The following XIRP2 variants were observed in gnomAD, a reference collection of about 807,000 sequenced individuals.
XIRP2 encodes xin actin binding repeat containing 2.
Under a neutral mutation model 277.0 loss-of-function variants are expected in XIRP2, and 236 were observed. The ratio of observed to expected loss-of-function variants is 0.85; its 90% confidence interval spans 0.77 to 0.95. XIRP2 has a LOEUF of 0.95. Among genes scored for constraint, XIRP2 ranks in the 40% least tolerant of loss-of-function variants. The probability of loss-of-function intolerance (pLI) is 0.00; values close to 1 mark genes in which losing one functional copy is unlikely to be tolerated. For synonymous variants in XIRP2, 1,490 were observed against 1,416.5 expected (o/e 1.05, Z -1.17); for missense variants, 4,640 against 4,157.5 (o/e 1.12, Z -3.19).
intron 1 of XIRP2, among the ~76,000 whole-genome samples, chr2:166,893,518 G>A (rs1183225764): frequency 6.6e-6 from 1 of 151,980 alleles, no homozygotes; most frequent in African/African-American, 2.4e-5. Context: ...ATTTCACATG[G>A]CTACATCATT....
At chr2:167,170,588 C>CA (rs145328745) in intron 3 of XIRP2, among the ~76,000 whole-genome samples, 15,006 of 152,012 alleles carry the variant, frequency 0.099, 797 homozygotes, top group South Asian at 0.16. Context: ...TATTTACTGA[C>CA]AAAAAATTGA....
chr2:167,252,962 A>AG (rs1317059734), intron 9 of XIRP2, among the ~76,000 whole-genome samples: 1 of 151,936 alleles, frequency 6.6e-6, no homozygotes, highest in East Asian at 1.9e-4. Flanking sequence ...GCTTCTGTTA[A>AG]GATAGCTCAA....
intron 10 of XIRP2, among the ~76,000 whole-genome samples, chr2:167,256,910 C>T (rs1156304568): frequency 1.3e-5 from 2 of 151,846 alleles, no homozygotes; most frequent in Non-Finnish European, 2.9e-5. Flanking sequence ...TGATTCTACT[C>T]TCCTATTTTT....
intron 2 of XIRP2, among the ~76,000 whole-genome samples, chr2:166,943,716 T>C (rs144300714): frequency 5.6e-4 from 85 of 152,380 alleles, no homozygotes; most frequent in African/African-American, 1.9e-3. Context: ...ATATATGCCC[T>C]GTATGGAAGC....
At chr2:167,256,109 T>C (rs2105455621) in intron 10 of XIRP2, among the ~76,000 whole-genome samples, 1 of 151,852 alleles carries the variant, frequency 6.6e-6, no homozygotes, top group Non-Finnish European at 1.5e-5. Context: ...TCTTCACTAG[T>C]GTCAGTTACC....
At chr2:167,059,906 C>T (rs570387416) in intron 2 of XIRP2, among the ~76,000 whole-genome samples, 136 of 152,300 alleles carry the variant, frequency 8.9e-4, no homozygotes, top group African/African-American at 3.2e-3. Flanking sequence ...ATGAATGCTT[C>T]TGTTAGGGTC....
chr2:167,053,593 A>G (rs528082054), intron 2 of XIRP2, among the ~76,000 whole-genome samples: 12 of 152,188 alleles, frequency 7.9e-5, no homozygotes, highest in Non-Finnish European at 1.0e-4. Context: ...GTCCATAGAT[A>G]TAATTACCTT....
At chr2:167,025,962 C>T (rs1447035054) in intron 2 of XIRP2, among the ~76,000 whole-genome samples, 1 of 152,032 alleles carries the variant, frequency 6.6e-6, no homozygotes, top group Non-Finnish European at 1.5e-5. Context: ...CTGTAAATGT[C>T]TATTAGGTCT....
In XIRP2 at chr2:167,242,805, G is replaced by A. The variant is rs760676050; in HGVS notation, c.1413G>A (p.Gln471=). 4 of 1,613,858 alleles carry A rather than the reference G, an allele frequency of 2.5e-6. No homozygotes were observed. The highest frequency in any genetic ancestry group is 1.1e-5 in the South Asian group (1 of 91,078). ...CAGTAGATGTGACAGCATTTTCCCA[G>A]TCCCCTGAACTGCCCAGTCCTCCTA... The part of the protein sequence containing the change: ...QTSVDVTAFS[Q]SPELPSPPRR... The change falls in exon 9 of 11, where the codon CAG becomes CAA. Residue 471 remains glutamine (Q), a synonymous_variant. Coordinates refer to ENST00000409195, the MANE Select transcript of XIRP2 (RefSeq NM_152381.6).
At chr2:166,951,755 T>G (rs1437611598) in intron 2 of XIRP2, among the ~76,000 whole-genome samples, 2 of 152,046 alleles carry the variant, frequency 1.3e-5, no homozygotes, top group Non-Finnish European at 2.9e-5. Context: ...AACCTAGCTT[T>G]CTACTCTCAT....
At chr2:167,043,528 A>G (rs547408636) in intron 2 of XIRP2, among the ~76,000 whole-genome samples, 7 of 152,210 alleles carry the variant, frequency 4.6e-5, no homozygotes, top group African/African-American at 1.7e-4. Context: ...GCAACCCCAC[A>G]GAACTACAAA....
intron 2 of XIRP2, among the ~76,000 whole-genome samples, chr2:166,926,357 C>T (rs2105363513): frequency 6.6e-6 from 1 of 152,090 alleles, no homozygotes; most frequent in East Asian, 1.9e-4. Context: ...CCTCCATTTC[C>T]ACCTAAAATG....
intron 2 of XIRP2, among the ~76,000 whole-genome samples, chr2:166,934,204 A>T (rs1045067140): frequency 6.6e-6 from 1 of 150,770 alleles, no homozygotes. Flanking sequence ...GCAAAAAAAA[A>T]AAAAAAAAAA....
intron 2 of XIRP2, among the ~76,000 whole-genome samples, chr2:166,938,877 G>C (rs890404618): frequency 4.6e-5 from 7 of 152,196 alleles, no homozygotes; most frequent in African/African-American, 1.7e-4. Flanking sequence ...GATCTTTGTT[G>C]GTTTAAAGTC....
chr2:166,981,215 A>G (rs1202555891), intron 2 of XIRP2, among the ~76,000 whole-genome samples: 1 of 152,176 alleles, frequency 6.6e-6, no homozygotes, highest in Non-Finnish European at 1.5e-5. Context: ...TCTGGAGGCT[A>G]CAAGTCTGAA....
intron 3 of XIRP2, among the ~76,000 whole-genome samples, chr2:167,140,106 G>A (rs1178451844): frequency 6.6e-6 from 1 of 152,136 alleles, no homozygotes; most frequent in Non-Finnish European, 1.5e-5. Flanking sequence ...TTAAAAACTT[G>A]TCTTCGAGAA....
Position 167,214,137 on chromosome 2 carries a change from GCAAAGAGAAAGA to G in XIRP2, c.723+3243_723+3254del, listed in dbSNP as rs1559023913. Among the ~76,000 whole-genome samples the G allele has an allele frequency of 2.1e-3, 236 of 112,750 alleles. 2 individuals carry two copies. Among genetic ancestry groups the G allele is most frequent in the African/African-American group, 3.0e-3 (75 of 24,830 alleles). The allele number at this position is 112,750 out of a possible 152,430, so 74.0% of individuals were successfully genotyped here. On this transcript the variant is annotated intron_variant, in intron 4 of 10. Transcript: ENST00000409195. Reference sequence around the variant, plus strand: ...AGGAAGGAAGGAAGGAAGGAAGGAAGCAAAGAGAAAGAGAAAGAAGGAAAGAAAGAGAAAGAA... The same window carrying G: ...AGGAAGGAAGGAAGGAAGGAAGGAAGGAAAGAAGGAAAGAAAGAGAAAGAA...
intron 2 of XIRP2, among the ~76,000 whole-genome samples, chr2:166,968,779 A>G (rs1182475322): frequency 6.6e-6 from 1 of 151,930 alleles, no homozygotes; most frequent in Non-Finnish European, 1.5e-5. Flanking sequence ...AAGCTAGTAC[A>G]ATAGCATGTA....
chr2:167,020,667 A>C (rs1263072885), intron 2 of XIRP2, among the ~76,000 whole-genome samples: 3 of 152,028 alleles, frequency 2.0e-5, no homozygotes, highest in Admixed American at 2.0e-4. Flanking sequence ...AGTTTCAAAT[A>C]TCTATACTGG....
Sources: gnomAD v4.1 joint callset for allele counts (sites outside exome capture counted in the v4.1 genomes callset) on GRCh38, gnomAD v4.1.1 for gene constraint, MANE v1.5 for transcripts, NCBI Gene and HGNC (gene_info 2026-07-23, HGNC 2026-07-21) for gene names.